The following JAK2 variants were observed in gnomAD, a reference collection of about 807,000 sequenced individuals.
The protein encoded by JAK2 is tyrosine-protein kinase JAK2.
JAK2 carries 86 observed loss-of-function variants against 139.3 expected under a neutral mutation model. The observed-to-expected ratio is 0.62, with a 90% CI of 0.52 to 0.74. The LOEUF (loss-of-function observed/expected upper bound fraction) is 0.74. JAK2 is among the 30% of genes least tolerant of loss of function. The probability of loss-of-function intolerance (pLI) is 0.00; values close to 1 mark genes in which losing one functional copy is unlikely to be tolerated. For synonymous variants in JAK2, 490 were observed against 437.7 expected, an observed-to-expected ratio of 1.12 and a Z score of -1.49; for missense variants, 1,421 against 1,360.3, an observed-to-expected ratio of 1.04 and a Z score of -0.70.
chr9:5,085,904 A>C (rs1586762401), intron 19 of JAK2: 1 of 908,214 alleles, frequency 1.1e-6, no homozygotes, highest in Non-Finnish European at 1.9e-6. Flanking sequence ...CCTTTCTAAT[A>C]CCCTCATACA....
At chr9:5,033,743 C>G (rs778650840) in intron 4 of JAK2, among the ~76,000 whole-genome samples, 1 of 152,086 alleles carries the variant, frequency 6.6e-6, no homozygotes, top group Non-Finnish European at 1.5e-5. Flanking sequence ...GAAGGAAGCA[C>G]TAAACATAGA....
chr9:5,090,327 T>TAA, intron 20 of JAK2, 119 bp from the exon 21 acceptor site: 1 of 698,314 alleles, frequency 1.4e-6, no homozygotes, highest in Non-Finnish European at 2.1e-6. Flanking sequence ...TAATGTATAA[T>TAA]AAAGTTTTGT....
chr9:5,036,997 A>T (rs1454390187), intron 4 of JAK2, among the ~76,000 whole-genome samples: 2 of 152,186 alleles, frequency 1.3e-5, no homozygotes, highest in East Asian at 3.8e-4. Context: ...ATATACAATG[A>T]ACTCTAACAA....
At chr9:5,107,805 C>T (rs1822092393) in intron 22 of JAK2, 1 of 152,136 alleles carries the variant, frequency 6.6e-6, no homozygotes, top group Admixed American at 6.5e-5. Context: ...ACTCTAGCAT[C>T]TATAATACCC....
intron 22 of JAK2, among the ~76,000 whole-genome samples, chr9:5,119,537 C>A (rs1823458107): frequency 1.3e-5 from 2 of 151,928 alleles, no homozygotes; most frequent in Non-Finnish European, 2.9e-5. Flanking sequence ...ATATATATAT[C>A]TGGCATAATT....
At chr9:5,112,594 T>C in intron 22 of JAK2, 1 of 775,116 alleles carries the variant, frequency 1.3e-6, no homozygotes, top group Non-Finnish European at 2.1e-6. Flanking sequence ...AGAGGGCTCT[T>C]AAGGAGCTGG....
At chr9:5,085,704 C>G (rs1820036734) in intron 19 of JAK2, 2 of 748,988 alleles carry the variant, frequency 2.7e-6, no homozygotes, top group Non-Finnish European at 5.0e-6. Context: ...GTGAACAAGA[C>G]TAGCAGTGTG....
intron 3 of JAK2, among the ~76,000 whole-genome samples, chr9:5,029,229 G>T (rs1008257937): frequency 5.9e-5 from 9 of 152,134 alleles, no homozygotes; most frequent in African/African-American, 1.9e-4. Context: ...GAATAGAGAG[G>T]CCTAAGGAGA....
chr9:5,054,087 A>G lies in JAK2; in HGVS notation c.615-476A>G, dbSNP rs1817599309. Among the ~76,000 whole-genome samples, 1 of 152,074 alleles carries G rather than the reference A, an allele frequency of 6.6e-6. No homozygotes were observed. The highest frequency in any genetic ancestry group is 2.4e-5 in the African/African-American group (1 of 41,458). On this transcript the variant is annotated intron_variant, in intron 6 of 24. Transcript: ENST00000381652. This position sits in a 1 kb window ranked among gnomAD's most constrained non-coding sequence, Gnocchi z 4.9. The stretch of plus-strand genomic sequence containing the variant: ...GAGTTGAAGCTGGCCTAACAAAATA[A>G]TATACAGAAGTATGTTTGCATAATG...
chr9:5,024,445 C>T (rs967566597), intron 3 of JAK2, among the ~76,000 whole-genome samples: 1 of 151,996 alleles, frequency 6.6e-6, no homozygotes, highest in African/African-American at 2.4e-5. Flanking sequence ...AGTGTTTACC[C>T]AGTCCATTTA....
rs1229653906 is a variant in JAK2 at position 5,078,332 on chromosome 9, T to A, written c.2019T>A (p.Asn673Lys). Residue 673 changes from asparagine to lysine, a missense_variant, in exon 16 of 25, where the codon AAT becomes AAA. Physicochemically the swap from Asn to Lys is moderately conservative, Grantham distance 94. Coordinates refer to ENST00000381652, the MANE Select transcript of JAK2 (RefSeq NM_004972.4). Reference sequence around the variant, plus strand: ...AAGAAAACACCCTTATTCATGGGAATGTATGTGCCAAAAATATTCTGCTTA... The same window carrying A: ...AAGAAAACACCCTTATTCATGGGAAAGTATGTGCCAAAAATATTCTGCTTA... The part of the protein sequence containing the change: ...FLEENTLIHG[N>K]VCAKNILLIR... 2 of 1,612,580 alleles carry A rather than the reference T, an allele frequency of 1.2e-6. No homozygotes were observed. The highest frequency in any genetic ancestry group is 1.7e-6 in the Non-Finnish European group (2 of 1,178,902).
rs779522337 is a variant in JAK2 at position 5,126,322 on chromosome 9, G to T, written c.3178-11G>T. On this transcript the variant is annotated splice_polypyrimidine_tract_variant and intron_variant, in intron 23 of 24. Coordinates refer to ENST00000381652, the MANE Select transcript of JAK2 (RefSeq NM_004972.4). ...AATGTACAAAAAATATTGAAAGTGG[G>T]TTTGTTTTAGGAATTTATGCGTATG... 1.9e-6 allele frequency: 3 copies of T among 1,553,608 alleles called. No homozygotes were observed. Among genetic ancestry groups the T allele is most frequent in the Non-Finnish European group, 2.6e-6 (3 of 1,137,130 alleles).
intron 2 of JAK2, among the ~76,000 whole-genome samples, chr9:4,993,952 A>C (rs913784737): frequency 6.6e-6 from 1 of 152,160 alleles, no homozygotes; most frequent in African/African-American, 2.4e-5. Flanking sequence ...CTGAGTGATC[A>C]TGTATGGATG....
At chr9:5,020,151 G>T (rs1252825555) in intron 2 of JAK2, among the ~76,000 whole-genome samples, 2 of 152,170 alleles carry the variant, frequency 1.3e-5, no homozygotes, top group South Asian at 2.1e-4. Context: ...CTGTCCAGTT[G>T]TCTGTGCTTA....
Position 5,080,284 on chromosome 9 carries a change from T to A in JAK2, c.2187T>A (p.Asn729Lys), listed in dbSNP as rs1563983335. The A allele has an allele frequency of 1.9e-6, 3 of 1,613,668 alleles. No individual in the cohort carries two copies. The highest frequency in any genetic ancestry group is 2.2e-5 in the East Asian group (1 of 44,862). Residue 729 changes from asparagine to lysine, a missense_variant, in exon 17 of 25, where the codon AAT becomes AAA. Coordinates refer to ENST00000381652, the MANE Select transcript of JAK2 (RefSeq NM_004972.4). The part of the protein sequence containing the change: ...VPPECIENPK[N>K]LNLATDKWSF... ...CTGAATGCATTGAAAATCCTAAAAATTTAAATTTGGCAACAGACAAATGGA... is the reference window on the plus strand; with the variant it reads ...CTGAATGCATTGAAAATCCTAAAAAATTAAATTTGGCAACAGACAAATGGA...
chr9:5,004,200 C>T (rs1480904165), intron 2 of JAK2, among the ~76,000 whole-genome samples: 3 of 152,226 alleles, frequency 2.0e-5, no homozygotes, highest in African/African-American at 4.8e-5. Context: ...TATTGGTAAT[C>T]ACCATGATGT....
intron 22 of JAK2, chr9:5,110,389 A>C (rs1822358783): frequency 6.6e-6 from 1 of 152,320 alleles, no homozygotes; most frequent in African/African-American, 2.4e-5. Flanking sequence ...ACCTCAAGTC[A>C]GCTGGGCCTT....
At chr9:5,044,087 CCTA>C (rs1816820818) in intron 4 of JAK2, among the ~76,000 whole-genome samples, 1 of 152,126 alleles carries the variant, frequency 6.6e-6, no homozygotes, top group Non-Finnish European at 1.5e-5. Flanking sequence ...TTTCAGATTC[CCTA>C]CTGATGTTAC....
At chr9:5,079,161 T>G (rs1819507064) in intron 16 of JAK2, among the ~76,000 whole-genome samples, 2 of 152,226 alleles carry the variant, frequency 1.3e-5, no homozygotes, top group Admixed American at 1.3e-4. Context: ...GAGTAGGGAG[T>G]ATGGCAGAAA....
Sources: allele counts gnomAD v4.1 joint callset (sites outside exome capture counted in the v4.1 genomes callset), GRCh38; gene constraint gnomAD v4.1.1; non-coding constraint Gnocchi (gnomAD v3.1); transcripts MANE v1.5; gene names NCBI Gene and HGNC (gene_info 2026-07-23, HGNC 2026-07-21).